The following ADAM7 variants were observed in gnomAD, a reference collection of about 807,000 sequenced individuals.
ADAM7 encodes the protein ADAM metallopeptidase domain 7.
ADAM7 carries 97 observed loss-of-function variants against 102.9 expected under a neutral mutation model. The observed-to-expected ratio is 0.94, with a 90% CI of 0.80 to 1.12. The LOEUF is 1.12. Among genes scored for constraint, ADAM7 ranks in the 50% most tolerant of loss-of-function variants. The probability of loss-of-function intolerance (pLI) is 0.00; values close to 1 mark genes in which losing one functional copy is unlikely to be tolerated. For synonymous variants in ADAM7, 334 were observed against 304.4 expected (o/e 1.10, Z -1.01); for missense variants, 991 against 908.7 (o/e 1.09, Z -1.16).
Position 24,470,002 on chromosome 8 carries a change from T to G in ADAM7, c.633+1182T>G, listed in dbSNP as rs1273725265. ...GCTTATAAAGAGTGAATGGGAATGA[T>G]TGGATGACAGATGACAAATGAGAGA... On this transcript the variant is annotated intron_variant, in intron 7 of 21. Transcript: ENST00000175238. Among the ~76,000 whole-genome samples the G allele has an allele frequency of 3.3e-5, 5 of 152,090 alleles. No individual in the cohort carries two copies. The East Asian group carries it at 9.6e-4, about 29-fold the overall frequency.
At chr8:24,501,005 A>G in intron 19 of ADAM7, 110 bp downstream of exon 19, 1 of 852,538 alleles carries the variant, frequency 1.2e-6, no homozygotes, top group Non-Finnish European at 1.8e-6. Context: ...TTCTTACTGA[A>G]GATCAGGTAA....
rs6990896 is a variant in ADAM7, at chr8:24,509,367, A to G, written c.*821A>G. ...CTATCCGTTTGTTATGGGATGGGGGATTACCCTGGGAATGATTTCAGCTGC... is the reference window on the plus strand; with the variant it reads ...CTATCCGTTTGTTATGGGATGGGGGGTTACCCTGGGAATGATTTCAGCTGC... On this transcript the variant is annotated 3_prime_UTR_variant, in exon 22 of 22. Transcript: ENST00000175238. 983,872 of 985,434 alleles carry G rather than the reference A, an allele frequency of 1. 491,176 individuals are homozygous for G. The highest frequency in any genetic ancestry group is 1 in the Middle Eastern group (1,916 of 1,916). 61.0% of individuals were successfully genotyped at this position (985,434 alleles called of 1,614,324 possible). A position where few individuals can be genotyped will look rare whatever the true frequency, so the allele number is the denominator to read the frequency against.
intron 7 of ADAM7, among the ~76,000 whole-genome samples, chr8:24,469,911 C>G (rs1009358730): frequency 6.6e-6 from 1 of 151,918 alleles, no homozygotes; most frequent in Admixed American, 6.6e-5. Flanking sequence ...ACCACCATTT[C>G]TCCAGAGAAA....
Position 24,499,286 on chromosome 8 carries a change from C to T in ADAM7, c.1893C>T (p.Thr631=), listed in dbSNP as rs780676914. The T allele has an allele frequency of 3.1e-6, 5 of 1,607,496 alleles. No individual in the cohort carries two copies. The Admixed American group carries it at 5.1e-5, about 16-fold the overall frequency. ...ACATGGAAAAGGTCTATATCTCAAC[C>T]AATTGCCCCTCTCAGTGCAATGAAA... ...CLNMEKVYIS[T]NCPSQCNENP... The change falls in exon 17 of 22, where the codon ACC becomes ACT. Residue 631 remains threonine (T), a synonymous_variant. Coordinates refer to ENST00000175238, the MANE Select transcript of ADAM7 (RefSeq NM_003817.4).
chr8:24,492,103 G>C lies in ADAM7; in HGVS notation c.1552+5G>C. Reference sequence around the variant, plus strand: ...GCTCTGAACTATTTGATGATGGTGAGAGATAATCACAGTGAAGTATTCACA... The same window carrying C: ...GCTCTGAACTATTTGATGATGGTGACAGATAATCACAGTGAAGTATTCACA... On this transcript the variant is annotated splice_donor_5th_base_variant and intron_variant, in intron 14 of 21. Coordinates refer to ENST00000175238, the MANE Select transcript of ADAM7 (RefSeq NM_003817.4). 3 of 1,610,054 alleles carry C rather than the reference G, an allele frequency of 1.9e-6. No homozygotes were observed. Among genetic ancestry groups the C allele is most frequent in the Non-Finnish European group, 2.5e-6 (3 of 1,178,062 alleles).
chr8:24,493,464 C>G (rs1364927649), intron 16 of ADAM7, among the ~76,000 whole-genome samples: 1 of 142,002 alleles, frequency 7.0e-6, no homozygotes, highest in East Asian at 1.9e-4. Flanking sequence ...ATTAGTAAAA[C>G]TTACAGCAGA....
chr8:24,504,023 AAAAAT>A (rs140673463), intron 20 of ADAM7, among the ~76,000 whole-genome samples: 20,779 of 145,558 alleles, frequency 0.14, 1,743 homozygotes, highest in African/African-American at 0.2. Flanking sequence ...CTTCAAGTAC[AAAAAT>A]AAAATAAAAT....
chr8:24,494,085 G>C (rs1820473167), intron 16 of ADAM7, among the ~76,000 whole-genome samples: 1 of 152,030 alleles, frequency 6.6e-6, no homozygotes, highest in South Asian at 2.1e-4. Context: ...AAACTGAATA[G>C]GTTCTCTATG....
At position 24,447,164 on chromosome 8, in the gene ADAM7, C is replaced by T. The variant is rs887398395; in HGVS notation, c.157-22C>T. The T allele has an allele frequency of 1.8e-5, 26 of 1,447,686 alleles. No homozygotes were observed. In the African/African-American group the frequency reaches 1.9e-4, roughly 10 times the overall value. The allele number at this position is 1,447,686 out of a possible 1,614,324, so 89.7% of individuals were successfully genotyped here. On this transcript the variant is annotated intron_variant, in intron 2 of 21. Coordinates refer to ENST00000175238, the MANE Select transcript of ADAM7 (RefSeq NM_003817.4). ...ACTAAATGAGCCCATGTTGAAGTCA[C>T]GTGATGCCTCTTCTTTTTTAGAAAA...
intron 1 of ADAM7, among the ~76,000 whole-genome samples, chr8:24,441,587 C>A (rs964170730): frequency 1.2e-4 from 18 of 152,168 alleles, no homozygotes; most frequent in African/African-American, 4.1e-4. Context: ...ATTCCAGAAA[C>A]CCCATGCCCT....
chr8:24,492,184 G>A, intron 14 of ADAM7, 86 bp downstream of exon 14: 1 of 1,286,614 alleles, frequency 7.8e-7, no homozygotes, highest in Non-Finnish European at 1.1e-6. Flanking sequence ...GTCAAGATCA[G>A]ATATAATGTC....
intron 15 of ADAM7, 129 bp from the exon 16 acceptor site, chr8:24,492,914 C>T (rs1290498931): frequency 4.4e-6 from 4 of 910,490 alleles, no homozygotes; most frequent in Non-Finnish European, 4.8e-6. Context: ...TTTCTCTGCC[C>T]ATTACAGCCT....
chr8:24,448,433 T>C (rs1585849915), intron 3 of ADAM7, among the ~76,000 whole-genome samples: 1 of 152,152 alleles, frequency 6.6e-6, no homozygotes, highest in East Asian at 1.9e-4. Context: ...TTTAATCTAA[T>C]TTCAACATCT....
chr8:24,452,093 G>A (rs1343387978), intron 3 of ADAM7, among the ~76,000 whole-genome samples: 1 of 151,780 alleles, frequency 6.6e-6, no homozygotes, highest in Non-Finnish European at 1.5e-5. Context: ...TTTGGAATAG[G>A]TGTGGTGTGG....
At chr8:24,459,337 A>G (rs1290888279) in intron 3 of ADAM7, among the ~76,000 whole-genome samples, 1 of 151,998 alleles carries the variant, frequency 6.6e-6, no homozygotes, top group East Asian at 1.9e-4. Context: ...TAAAAATGTA[A>G]TAATTTATTT....
In ADAM7 at chr8:24,447,171, C is replaced by T. The variant is rs1818590737; in HGVS notation, c.157-15C>T. ...GAGCCCATGTTGAAGTCACGTGATGCCTCTTCTTTTTTAGAAAACGTATGA... is the reference window on the plus strand; with the variant it reads ...GAGCCCATGTTGAAGTCACGTGATGTCTCTTCTTTTTTAGAAAACGTATGA... On this transcript the variant is annotated splice_polypyrimidine_tract_variant and intron_variant, in intron 2 of 21. Transcript: ENST00000175238. 3.4e-6 allele frequency: 5 copies of T among 1,487,138 alleles called. No homozygotes were observed. Among genetic ancestry groups the T allele is most frequent in the Non-Finnish European group, 4.6e-6 (5 of 1,082,690 alleles). The allele number at this position is 1,487,138 out of a possible 1,614,324, so 92.1% of individuals were successfully genotyped here. A position where few individuals can be genotyped will look rare whatever the true frequency, so the allele number is the denominator to read the frequency against.
chr8:24,490,912 G>T (rs1563392121), intron 13 of ADAM7, 24 bp downstream of exon 13: 9 of 1,285,408 alleles, frequency 7.0e-6, no homozygotes, highest in East Asian at 2.8e-5. Flanking sequence ...CCAGGAGAAG[G>T]TTTTTTTTTT....
intron 3 of ADAM7, among the ~76,000 whole-genome samples, chr8:24,448,875 T>C (rs1818668552): frequency 6.6e-6 from 1 of 152,080 alleles, no homozygotes; most frequent in African/African-American, 2.4e-5. Context: ...ATTGTTCAAT[T>C]CCCACCTGTG....
intron 15 of ADAM7, 103 bp from the exon 16 acceptor site, chr8:24,492,940 A>C (rs1820416976): frequency 8.0e-7 from 1 of 1,244,394 alleles, no homozygotes; most frequent in Non-Finnish European, 1.1e-6. Flanking sequence ...ACTTGGCAAG[A>C]AACCTGGATC....
Sources: gnomAD v4.1 joint callset for allele counts (sites outside exome capture counted in the v4.1 genomes callset) on GRCh38, gnomAD v4.1.1 for gene constraint, MANE v1.5 for transcripts, NCBI Gene and HGNC (gene_info 2026-07-23, HGNC 2026-07-21) for gene names.